TENM2: variants seen among roughly 807,000 people sequenced by gnomAD.
TENM2 encodes teneurin transmembrane protein 2, also known as teneurin-2.
A neutral mutation model predicts 245.2 loss-of-function variants in TENM2; 52 were observed. That is an observed-to-expected ratio of 0.21 (90% CI 0.17 to 0.27). The LOEUF is 0.27. TENM2 is among the 10% of genes least tolerant of loss of function. The pLI is 1.00. For missense variants in TENM2, 3,046 were observed against 3,666.8 expected, an observed-to-expected ratio of 0.83 and a Z score of 4.37; for synonymous variants, 1,363 against 1,438.9, an observed-to-expected ratio of 0.95 and a Z score of 1.19.
At chr5:168,009,409 C>A (rs866844056) in intron 5 of TENM2, among the ~76,000 whole-genome samples, 1 of 152,146 alleles carries the variant, frequency 6.6e-6, no homozygotes, top group South Asian at 2.1e-4. Flanking sequence ...GCTGACTTAC[C>A]GTACCAGGCT....
rs1487161729 is a variant in TENM2, at chr5:167,640,905, A to C, written c.503-235081A>C. On this transcript the variant is annotated intron_variant, in intron 2 of 28. Coordinates refer to ENST00000518659, the Ensembl canonical transcript of TENM2. ...TATATATATATATATATATATATAT[A>C]TCTTTCTCTTAAGCTTAGTGGTTCT... Among the ~76,000 whole-genome samples the C allele has an allele frequency of 1.0e-4, 10 of 98,838 alleles. No homozygotes were observed. In the South Asian group the frequency reaches 1.0e-3, roughly 10 times the overall value. The allele number at this position is 98,838 out of a possible 152,430, so 64.8% of individuals were successfully genotyped here. A position where few individuals can be genotyped will look rare whatever the true frequency, so the allele number is the denominator to read the frequency against.
intron 2 of TENM2, chr5:167,755,087 G>T (rs1561742775): frequency 6.3e-7 from 1 of 1,598,838 alleles, no homozygotes; most frequent in Middle Eastern, 1.7e-4. Context: ...CATTAGCGTT[G>T]CTGGCACAAT....
At chr5:167,637,591 C>T (rs775673621) in intron 2 of TENM2, among the ~76,000 whole-genome samples, 5 of 152,112 alleles carry the variant, frequency 3.3e-5, no homozygotes, top group Non-Finnish European at 7.3e-5. Context: ...CAATGATAGA[C>T]TGCATAAAGA....
At chr5:167,314,063 T>A (rs2127759270) in intron 1 of TENM2, among the ~76,000 whole-genome samples, 1 of 152,298 alleles carries the variant, frequency 6.6e-6, no homozygotes, top group Admixed American at 6.5e-5. Flanking sequence ...GACTAACATA[T>A]CCTCTCAGCA....
chr5:168,248,493 G>A (rs1766803566), intron 27 of TENM2, 122 bp downstream of exon 29: 8 of 989,464 alleles, frequency 8.1e-6, no homozygotes, highest in Non-Finnish European at 1.2e-5. Context: ...TAAAGCCCAG[G>A]CAGTGCAGTT....
At chr5:167,978,406 TAC>T (rs1288755365) in intron 4 of TENM2, among the ~76,000 whole-genome samples, 1 of 152,134 alleles carries the variant, frequency 6.6e-6, no homozygotes, top group Non-Finnish European at 1.5e-5. Flanking sequence ...AGAAAAAGTG[TAC>T]ACACACACTC....
At chr5:167,041,976 C>T in the TENM2 span, among the ~76,000 whole-genome samples, 1 of 152,058 alleles carries the variant, frequency 6.6e-6, no homozygotes, top group Non-Finnish European at 1.5e-5. Flanking sequence ...CCTTTTTAAC[C>T]CCAGCCTTAG....
At chr5:167,856,851 T>C (rs764367661) in intron 2 of TENM2, among the ~76,000 whole-genome samples, 34 of 152,160 alleles carry the variant, frequency 2.2e-4, no homozygotes, top group Non-Finnish European at 4.9e-4. Flanking sequence ...ATTTCTGGGA[T>C]GAGGAGCTTG....
At chr5:168,178,835 C>T (rs114834615) in intron 13 of TENM2, among the ~76,000 whole-genome samples, 3,302 of 152,154 alleles carry the variant, frequency 0.022, 81 homozygotes, top group South Asian at 0.13. Context: ...TGGTGGCTCA[C>T]GCCTGTAATC....
chr5:167,688,316 T>C (rs1263774781), intron 2 of TENM2, among the ~76,000 whole-genome samples: 2 of 152,218 alleles, frequency 1.3e-5, no homozygotes, highest in African/African-American at 4.8e-5. Context: ...CCCATGTTTT[T>C]ATGTATTCTT....
At chr5:167,213,406 G>A in the TENM2 span, among the ~76,000 whole-genome samples, 1 of 152,154 alleles carries the variant, frequency 6.6e-6, no homozygotes, top group Non-Finnish European at 1.5e-5. Flanking sequence ...GAAGGGGTAA[G>A]GGAGTTATCC....
intron 2 of TENM2, among the ~76,000 whole-genome samples, chr5:167,420,485 TC>T (rs1449282848): frequency 6.7e-6 from 1 of 148,328 alleles, no homozygotes; most frequent in East Asian, 1.9e-4. Context: ...CTACCAGTAT[TC>T]TTCTCACTCA....
chr5:167,938,413 A>G (rs1778903510), intron 3 of TENM2: 1 of 152,220 alleles, frequency 6.6e-6, no homozygotes, highest in Non-Finnish European at 1.5e-5. Flanking sequence ...CCTCTACAAA[A>G]TTTTATACAT....
At chr5:167,849,289 T>G (rs1312935074) in intron 2 of TENM2, among the ~76,000 whole-genome samples, 1 of 152,140 alleles carries the variant, frequency 6.6e-6, no homozygotes, top group African/African-American at 2.4e-5. Flanking sequence ...TTATTACAGC[T>G]GCAAATTCCT....
intron 12 of TENM2, among the ~76,000 whole-genome samples, chr5:168,141,869 C>T (rs915026792): frequency 2.0e-5 from 3 of 152,128 alleles, no homozygotes; most frequent in Non-Finnish European, 4.4e-5. Flanking sequence ...AAGCGTCAGA[C>T]GGATCAGTCA....
chr5:167,766,311 T>C (rs2150738707), intron 2 of TENM2, among the ~76,000 whole-genome samples: 1 of 152,272 alleles, frequency 6.6e-6, no homozygotes, highest in African/African-American at 2.4e-5. Flanking sequence ...GAGCTAAGCA[T>C]ATCTAGCACA....
chr5:167,159,245 A>G, the TENM2 span, among the ~76,000 whole-genome samples: 1 of 151,834 alleles, frequency 6.6e-6, no homozygotes, highest in African/African-American at 2.4e-5. Flanking sequence ...GCCTGGCCCC[A>G]TAGCAGTCTT....
chr5:167,838,507 T>C (rs898860739), intron 2 of TENM2, among the ~76,000 whole-genome samples: 3 of 152,218 alleles, frequency 2.0e-5, no homozygotes, highest in Non-Finnish European at 2.9e-5. Context: ...ACTGTCTGCT[T>C]GGAACTCTGA....
chr5:168,221,684 C>T (rs1274592514), intron 23 of TENM2, among the ~76,000 whole-genome samples: 2 of 152,168 alleles, frequency 1.3e-5, no homozygotes, highest in Non-Finnish European at 2.9e-5. Flanking sequence ...GGACATCCAA[C>T]CGTGGAATTA....
Sources: allele counts gnomAD v4.1 joint callset (sites outside exome capture counted in the v4.1 genomes callset), GRCh38; gene constraint gnomAD v4.1.1; transcripts MANE v1.5; gene names NCBI Gene and HGNC (gene_info 2026-07-23, HGNC 2026-07-21).